Variants in SNAP25 observed in about 807,000 individuals in gnomAD.
The protein encoded by SNAP25 is synaptosomal-associated protein 25.
Under a neutral mutation model 28.7 loss-of-function variants are expected in SNAP25, and 3 were observed. That is an observed-to-expected ratio of 0.10 (90% CI 0.05 to 0.27). The LOEUF is 0.27. Ranked by LOEUF, SNAP25 falls within the 10% of genes least tolerant of loss-of-function variation. The probability of loss-of-function intolerance (pLI) is 1.00; values close to 1 mark genes in which losing one functional copy is unlikely to be tolerated. For missense variants in SNAP25, 117 were observed against 278.7 expected, an observed-to-expected ratio of 0.42 and a Z score of 4.13; for synonymous variants, 61 against 88.1, an observed-to-expected ratio of 0.69 and a Z score of 1.72.
At chr20:10,299,140 C>T in intron 6 of SNAP25, 128 bp from the exon 7 acceptor site, 1 of 1,056,828 alleles carries the variant, frequency 9.5e-7, no homozygotes, top group South Asian at 1.8e-5. Flanking sequence ...TGTTTTTGTA[C>T]TGGATGGAGA....
At chr20:10,271,920 A>G (rs983119055) in intron 1 of SNAP25, among the ~76,000 whole-genome samples, 1 of 152,152 alleles carries the variant, frequency 6.6e-6, no homozygotes, top group Non-Finnish European at 1.5e-5. Context: ...TTTCCCCCCC[A>G]GGAACCCAGC....
chr20:10,272,373 G>T (rs879787377), intron 1 of SNAP25, among the ~76,000 whole-genome samples: 3 of 152,196 alleles, frequency 2.0e-5, no homozygotes, highest in Non-Finnish European at 4.4e-5. Flanking sequence ...CAGCGGTCCA[G>T]CTGGGTCTTT....
rs7268208 is a variant in SNAP25 at position 10,253,050 on chromosome 20, T to C, written c.-63-22379T>C. ...GGACCTAGTAAAGGTTACCTGTTCT[T>C]AATTATCATTTCCAAGGAGCAATGT... On this transcript the variant is annotated intron_variant, in intron 1 of 7. Transcript: ENST00000254976. 4.1e-3 allele frequency among the ~76,000 whole-genome samples: 626 copies of C among 152,310 alleles called. 2 individuals are homozygous for C. The highest frequency in any genetic ancestry group is 0.015 in the African/African-American group (617 of 41,554).
chr20:10,245,707 CACAT>C (rs2063115508), intron 1 of SNAP25, among the ~76,000 whole-genome samples: 1 of 152,132 alleles, frequency 6.6e-6, no homozygotes, highest in African/African-American at 2.4e-5. Context: ...CACACACACA[CACAT>C]ACTGACAATT....
intron 1 of SNAP25, among the ~76,000 whole-genome samples, chr20:10,232,320 A>T (rs530789054): frequency 3.0e-4 from 46 of 152,226 alleles, no homozygotes; most frequent in Admixed American, 1.5e-3. Flanking sequence ...TGCTCAATCA[A>T]TTGTGGGTGT....
intron 1 of SNAP25, among the ~76,000 whole-genome samples, chr20:10,246,287 G>C (rs924220549): frequency 2.0e-5 from 3 of 152,226 alleles, no homozygotes; most frequent in Non-Finnish European, 4.4e-5. Flanking sequence ...TCGTGTGCGA[G>C]CGCATCCTGC....
In SNAP25 at chr20:10,294,732, T is replaced by G. The variant is rs1289343654; in HGVS notation, c.281+1454T>G. Among the ~76,000 whole-genome samples the G allele has an allele frequency of 3.4e-5, 5 of 149,172 alleles. No individual in the cohort carries two copies. The South Asian group carries it at 1.1e-3, about 32-fold the overall frequency. ...AGCAAAGATATTCACTCATCATCCA[T>G]GAAACAAAACTTTCCTCCATGGCCC... On this transcript the variant is annotated intron_variant, in intron 5 of 7. Transcript: ENST00000254976.
At chr20:10,262,711 G>A (rs2063436099) in intron 1 of SNAP25, among the ~76,000 whole-genome samples, 1 of 152,214 alleles carries the variant, frequency 6.6e-6, no homozygotes, top group South Asian at 2.1e-4. Flanking sequence ...AAACCAGAAA[G>A]GGAGTTTGGA....
chr20:10,224,103 C>G (rs184187514), intron 1 of SNAP25, among the ~76,000 whole-genome samples: 3 of 152,122 alleles, frequency 2.0e-5, no homozygotes, highest in Non-Finnish European at 4.4e-5. Context: ...AACTGATGCA[C>G]AGCAAGGGTA....
intron 5 of SNAP25, among the ~76,000 whole-genome samples, chr20:10,294,180 T>C (rs541349385): frequency 6.6e-6 from 1 of 152,252 alleles, no homozygotes; most frequent in South Asian, 2.1e-4. Context: ...CCCCTCCCAC[T>C]TCCCCCTTCT....
chr20:10,234,610 T>A (rs892135244), intron 1 of SNAP25, among the ~76,000 whole-genome samples: 1 of 152,228 alleles, frequency 6.6e-6, no homozygotes, highest in Non-Finnish European at 1.5e-5. Context: ...GTGCAATTTG[T>A]CATGGTTTTA....
intron 1 of SNAP25, among the ~76,000 whole-genome samples, chr20:10,248,654 G>A (rs1439127420): frequency 2.6e-5 from 4 of 152,154 alleles, no homozygotes; most frequent in African/African-American, 9.7e-5. Context: ...TAGACATCTT[G>A]CCTGGGATCA....
intron 6 of SNAP25, among the ~76,000 whole-genome samples, chr20:10,298,410 T>G (rs941999985): frequency 9.9e-5 from 15 of 152,196 alleles, no homozygotes; most frequent in African/African-American, 2.7e-4. Context: ...GGGGGAAGGA[T>G]TTTAACCCTT....
intron 1 of SNAP25, among the ~76,000 whole-genome samples, chr20:10,259,673 G>C (rs761275959): frequency 1.3e-5 from 2 of 152,010 alleles, no homozygotes; most frequent in East Asian, 3.9e-4. Context: ...CAAGTGTCTG[G>C]GACTGCAGGT....
At chr20:10,219,150 T>C (rs1162611543) in intron 1 of SNAP25, 173 bp downstream of exon 1, 1 of 151,980 alleles carries the variant, frequency 6.6e-6, no homozygotes, top group African/African-American at 2.4e-5. Context: ...GTTTTCGAGG[T>C]GAGCTGCTGG....
intron 3 of SNAP25, among the ~76,000 whole-genome samples, chr20:10,280,395 G>A (rs1387320025): frequency 6.6e-6 from 1 of 152,168 alleles, no homozygotes; most frequent in African/African-American, 2.4e-5. Context: ...CTGGAGTTAG[G>A]AACTCTCTTT....
chr20:10,252,574 A>G (rs1218007084), intron 1 of SNAP25, among the ~76,000 whole-genome samples: 1 of 152,220 alleles, frequency 6.6e-6, no homozygotes, highest in Non-Finnish European at 1.5e-5. Context: ...GGCAATATAC[A>G]TATGTTAAAA....
At chr20:10,232,488 G>T (rs1249184520) in intron 1 of SNAP25, among the ~76,000 whole-genome samples, 1 of 152,222 alleles carries the variant, frequency 6.6e-6, no homozygotes, top group Non-Finnish European at 1.5e-5. Context: ...TGCTTTGGAA[G>T]AATAAACTAC....
chr20:10,219,243 G>A (rs752110074), intron 1 of SNAP25: 10 of 152,192 alleles, frequency 6.6e-5, no homozygotes, highest in Non-Finnish European at 1.0e-4. Flanking sequence ...TTACTCTTTT[G>A]AAACAGTAGT....
Sources: gnomAD v4.1 joint callset for allele counts (sites outside exome capture counted in the v4.1 genomes callset) on GRCh38, gnomAD v4.1.1 for gene constraint, MANE v1.5 for transcripts, NCBI Gene and HGNC (gene_info 2026-07-23, HGNC 2026-07-21) for gene names.